The following GOLGA4 variants were observed in gnomAD, a reference collection of about 807,000 sequenced individuals.
The protein encoded by GOLGA4 is golgin subfamily A member 4.
In GOLGA4, 169 loss-of-function variants were observed where a neutral mutation model predicts 265.9. The observed-to-expected ratio is 0.64, with a 90% confidence interval of 0.56 to 0.72. The LOEUF is 0.72. Among genes scored for constraint, GOLGA4 ranks in the 30% least tolerant of loss-of-function variants. GOLGA4 has a pLI of 0.00. For missense variants in GOLGA4, 2,482 were observed against 2,483.4 expected (o/e 1.00, Z 0.01); for synonymous variants, 923 against 855.8 (o/e 1.08, Z -1.37).
At chr3:37,303,841 T>C (rs543598807) in intron 10 of GOLGA4, among the ~76,000 whole-genome samples, 2 of 152,252 alleles carry the variant, frequency 1.3e-5, no homozygotes, top group Non-Finnish European at 2.9e-5. Context: ...TTACTTACTT[T>C]AGTAATGCTC....
intron 12 of GOLGA4, 71 bp from the exon 13 acceptor site, chr3:37,321,660 C>G (rs2096955193): frequency 5.2e-6 from 7 of 1,338,272 alleles, no homozygotes; most frequent in Non-Finnish European, 7.3e-6. Context: ...ATGAATGATT[C>G]CTGGGGAAGT....
At chr3:37,347,948 A>C (rs555506672) in intron 21 of GOLGA4, among the ~76,000 whole-genome samples, 10 of 152,298 alleles carry the variant, frequency 6.6e-5, no homozygotes, top group African/African-American at 2.2e-4. Context: ...CTTCTAGGGA[A>C]ATTCATGAGC....
At chr3:37,272,981 A>G (rs1025033740) in intron 2 of GOLGA4, among the ~76,000 whole-genome samples, 2 of 152,200 alleles carry the variant, frequency 1.3e-5, no homozygotes, top group African/African-American at 4.8e-5. Flanking sequence ...AACAGAACAG[A>G]ACAAAACAAA....
rs764309979 is a variant in GOLGA4 at position 37,289,250 on chromosome 3, A to T, written c.541A>T (p.Ser181Cys). ...TCAATTAAAGGGTATATTAAGTCAGAGTCAGGATAAATCACTTCGGAGAAT... is the reference window on the plus strand; with the variant it reads ...TCAATTAAAGGGTATATTAAGTCAGTGTCAGGATAAATCACTTCGGAGAAT... ...KKKLQGILSQSQDKSLRRIAE... is the reference protein window; with the variant it reads ...KKKLQGILSQCQDKSLRRIAE... The change falls in exon 5 of 24, where the codon AGT (serine) becomes TGT (cysteine). Residue 181 changes from serine (S) to cysteine (C), a missense_variant. Around this residue, in one of 3 missense-constraint regions of GOLGA4, gnomAD observed 1,536 missense variants for 1,483.7 expected, o/e 1.04. Transcript: ENST00000361924. The T allele has an allele frequency of 6.3e-7, 1 of 1,594,286 alleles. No individual in the cohort carries two copies.
At chr3:37,321,508 A>G in intron 12 of GOLGA4, 1 of 429,950 alleles carries the variant, frequency 2.3e-6, no homozygotes, top group South Asian at 5.5e-5. Context: ...GGGTTATTGG[A>G]ACAAAATTTT....
chr3:37,309,090 A>G (rs1369705094), intron 10 of GOLGA4, among the ~76,000 whole-genome samples: 2 of 151,292 alleles, frequency 1.3e-5, no homozygotes, highest in Non-Finnish European at 1.5e-5. Flanking sequence ...TGTCTCTACT[A>G]AAAATACAAA....
rs1474422485 is a variant in GOLGA4, at chr3:37,251,399, C to T, written c.77C>T (p.Ser26Phe). 5.0e-6 allele frequency: 8 copies of T among 1,606,412 alleles called. No homozygotes were observed. The highest frequency in any genetic ancestry group is 6.8e-6 in the Non-Finnish European group (8 of 1,173,100). The change falls in exon 2 of 24, where the codon TCC becomes TTC. Residue 26 changes from serine (S) to phenylalanine (F), a missense_variant. Ser to Phe is a radical substitution (Grantham distance 155). Around this residue, in one of 3 missense-constraint regions of GOLGA4, gnomAD observed 1,536 missense variants for 1,483.7 expected, o/e 1.04. Coordinates refer to ENST00000361924, the MANE Select transcript of GOLGA4 (RefSeq NM_002078.5). ...TGCAATAATTTTTAAATCTAGGCGT[C>T]CTCCAATTCTTCAACACCAACAAGA... ...LQQALAPAQA[S>F]SNSSTPTRMR... is the part of the protein sequence containing the mutation.
intron 17 of GOLGA4, among the ~76,000 whole-genome samples, chr3:37,336,762 AAGAAAGAGAGAAAGAG>A (rs377431905): frequency 2.6e-5 from 4 of 151,944 alleles, no homozygotes; most frequent in Non-Finnish European, 5.9e-5. Context: ...AGAAGAGCAA[AAGAAAGAGAGAAAGAG>A]AGAGAGAGAG....
At chr3:37,317,464 C>T (rs1308396209) in intron 11 of GOLGA4, among the ~76,000 whole-genome samples, 1 of 152,210 alleles carries the variant, frequency 6.6e-6, no homozygotes, top group Admixed American at 6.5e-5. Flanking sequence ...GCCACTGTGC[C>T]TGGCCTGTGA....
intron 2 of GOLGA4, among the ~76,000 whole-genome samples, chr3:37,271,623 A>G (rs1364897368): frequency 1.3e-5 from 2 of 152,028 alleles, no homozygotes; most frequent in African/African-American, 2.4e-5. Context: ...TACCACTACC[A>G]TTTTGCCTAC....
rs375999710 is a variant in GOLGA4, at chr3:37,324,198, A to T, written c.2312A>T (p.His771Leu). ...CTTCTCTTGAAGGAAAGGGACAAGC[A>T]TTTGAAAGAGCATCAGGCTCATGTA... ...LELLLKERDK[H>L]LKEHQAHVEN... The change falls in exon 14 of 24, where the codon CAT (histidine) becomes CTT (leucine). Residue 771 changes from histidine (H) to leucine (L), a missense_variant. His to Leu is a moderately conservative substitution (Grantham distance 99, BLOSUM62 -3). Around this residue, in one of 3 missense-constraint regions of GOLGA4, gnomAD observed 1,536 missense variants for 1,483.7 expected, o/e 1.04. Transcript: ENST00000361924. The T allele has an allele frequency of 5.9e-5, 95 of 1,614,072 alleles. No homozygotes were observed. The highest frequency in any genetic ancestry group is 8.0e-5 in the Non-Finnish European group (94 of 1,180,030).
At position 37,243,642 on chromosome 3, in the gene GOLGA4, C is replaced by A; in HGVS notation, c.72+20C>A. On this transcript the variant is annotated intron_variant, in intron 1 of 23. Coordinates refer to ENST00000361924, the MANE Select transcript of GOLGA4 (RefSeq NM_002078.5). ...GCTCAGGTACGATGGCCGCCGCTCT[C>A]CTCCCCTGGTTCCGAATACCTCTTG... The A allele has an allele frequency of 6.2e-7, 1 of 1,602,648 alleles. No individual in the cohort carries two copies. Among genetic ancestry groups the A allele is most frequent in the Non-Finnish European group, 8.5e-7 (1 of 1,170,074 alleles).
At chr3:37,244,677 G>A (rs1578308393) in intron 1 of GOLGA4, among the ~76,000 whole-genome samples, 1 of 152,178 alleles carries the variant, frequency 6.6e-6, no homozygotes, top group South Asian at 2.1e-4. Context: ...ATTGCATTAG[G>A]TTTATTCTGA....
chr3:37,282,259 G>C lies in GOLGA4; in HGVS notation c.464G>C (p.Gly155Ala). ...RMERSLSSYR[G>A]KYSELVTAYQ... ...GAACGAAGCTTAAGTAGCTACAGGGGAAAATATTCTGAGGTAGGAGCATGA... is the reference window on the plus strand; with the variant it reads ...GAACGAAGCTTAAGTAGCTACAGGGCAAAATATTCTGAGGTAGGAGCATGA... The change falls in exon 3 of 24, where the codon GGA becomes GCA. Residue 155 changes from glycine (G) to alanine (A), a missense_variant. Coordinates refer to ENST00000361924, the MANE Select transcript of GOLGA4 (RefSeq NM_002078.5). 1 of 1,613,490 alleles carries C rather than the reference G, an allele frequency of 6.2e-7. No individual in the cohort carries two copies. Among genetic ancestry groups the C allele is most frequent in the African/African-American group, 1.3e-5 (1 of 75,040 alleles).
intron 4 of GOLGA4, among the ~76,000 whole-genome samples, chr3:37,288,650 T>C (rs1013293215): frequency 2.6e-5 from 4 of 151,806 alleles, no homozygotes; most frequent in African/African-American, 9.7e-5. Flanking sequence ...CTGATTTTTT[T>C]TGTATTTTTA....
chr3:37,254,013 C>T (rs2096741224), intron 2 of GOLGA4, among the ~76,000 whole-genome samples: 1 of 107,024 alleles, frequency 9.3e-6, no homozygotes, highest in African/African-American at 4.9e-5. Flanking sequence ...GAGACACAGT[C>T]TCAAAAAAAA....
At chr3:37,352,567 G>A (rs530277717) in intron 21 of GOLGA4, among the ~76,000 whole-genome samples, 2 of 152,140 alleles carry the variant, frequency 1.3e-5, no homozygotes, top group East Asian at 1.9e-4. Context: ...ATATGGAGAT[G>A]TCTTCTCTCC....
intron 5 of GOLGA4, among the ~76,000 whole-genome samples, chr3:37,291,757 G>T (rs1385091445): frequency 6.6e-6 from 1 of 152,104 alleles, no homozygotes; most frequent in African/African-American, 2.4e-5. Context: ...CAGAGGTAAG[G>T]GAATATGGAA....
intron 7 of GOLGA4, 116 bp downstream of exon 7, chr3:37,296,335 C>G (rs1212729642): frequency 8.9e-6 from 9 of 1,009,956 alleles, no homozygotes; most frequent in Middle Eastern, 2.3e-4. Context: ...CGCTTGAGTT[C>G]AGGAGTTTGA....
Sources: gnomAD v4.1 joint callset for allele counts (sites outside exome capture counted in the v4.1 genomes callset) on GRCh38, gnomAD v4.1.1 for gene constraint, gnomAD v4.1.1 regional missense constraint, MANE v1.5 for transcripts, NCBI Gene and HGNC (gene_info 2026-07-23, HGNC 2026-07-21) for gene names.